CDK15: variants seen among roughly 807,000 people sequenced by gnomAD.
The protein encoded by CDK15 is cyclin-dependent kinase 15.
A neutral mutation model predicts 60.3 loss-of-function variants in CDK15; 62 were observed. The observed-to-expected ratio is 1.03, with a 90% CI of 0.84 to 1.27. The LOEUF is 1.27. Among genes scored for constraint, CDK15 ranks in the 50% most tolerant of loss-of-function variants. The probability of loss-of-function intolerance (pLI) is 0.00; values close to 1 mark genes in which losing one functional copy is unlikely to be tolerated. For missense variants in CDK15, 541 were observed against 527.8 expected (o/e 1.03, Z -0.25); for synonymous variants, 194 against 195.7 (o/e 0.99, Z 0.07).
rs758333471 is a variant in CDK15, at chr2:201,895,437, CTTCT to C, written c.*2173_*2176del. ...ATGCATATGATTATGCTTGTGCTTC[CTTCT>C]TTAATGGATTTACCTATTCAAAAGC... On this transcript the variant is annotated 3_prime_UTR_variant, in exon 14 of 14. Transcript: ENST00000652192. 7 of 152,076 alleles carry C rather than the reference CTTCT, an allele frequency of 4.6e-5. No individual in the cohort carries two copies. The highest frequency in any genetic ancestry group is 1.3e-4 in the Admixed American group (2 of 15,268). The allele number at this position is 152,076 out of a possible 1,614,324, so 9.4% of individuals were successfully genotyped here.
At chr2:201,880,283 C>A in intron 12 of CDK15, 116 bp downstream of exon 12, 1 of 1,264,230 alleles carries the variant, frequency 7.9e-7, no homozygotes, top group South Asian at 1.5e-5. Context: ...CATTTACCCC[C>A]AGGAGTGAAG....
chr2:201,819,399 T>C (rs1451864726), intron 4 of CDK15, among the ~76,000 whole-genome samples: 2 of 152,000 alleles, frequency 1.3e-5, no homozygotes, highest in Admixed American at 6.5e-5. Flanking sequence ...TGAGCAAAGA[T>C]GGGAGTGTGA....
intron 8 of CDK15, among the ~76,000 whole-genome samples, chr2:201,835,964 A>T (rs570289455): frequency 2.0e-5 from 2 of 99,990 alleles, no homozygotes; most frequent in East Asian, 6.3e-4. Context: ...ATTTGTATAT[A>T]TTTATATATT....
chr2:201,870,998 A>C (rs1698833123), intron 10 of CDK15, among the ~76,000 whole-genome samples: 2 of 152,170 alleles, frequency 1.3e-5, no homozygotes, highest in Non-Finnish European at 2.9e-5. Flanking sequence ...TGGTATCAAT[A>C]CTAAGAATCA....
At position 201,894,809 on chromosome 2, in the gene CDK15, G is replaced by C. The variant is rs1202931246; in HGVS notation, c.*1542G>C. On this transcript the variant is annotated 3_prime_UTR_variant, in exon 14 of 14. Coordinates refer to ENST00000652192, the MANE Select transcript of CDK15 (RefSeq NM_001366386.2). ...AGAATACACAACTCTTGCAGAGGCA[G>C]CTGCTATTTAGTATTGGATCATGAT... is the stretch of plus-strand genomic sequence containing the variant. 6.6e-6 allele frequency: 1 copy of C among 152,094 alleles called. No individual in the cohort carries two copies. The highest frequency in any genetic ancestry group is 2.4e-5 in the African/African-American group (1 of 41,424). The allele number at this position is 152,094 out of a possible 1,614,324, so 9.4% of individuals were successfully genotyped here.
rs1208028416 is a variant in CDK15 at position 201,893,911 on chromosome 2, T to C, written c.*644T>C. On this transcript the variant is annotated 3_prime_UTR_variant, in exon 14 of 14. Transcript: ENST00000652192. The stretch of plus-strand genomic sequence containing the variant: ...ATTTTAGAAGTTTGGATTTGGCTGC[T>C]GATTAGAAATGAATTTCAGGCTATC... 6.6e-6 allele frequency: 1 copy of C among 152,200 alleles called. No homozygotes were observed. The highest frequency in any genetic ancestry group is 6.5e-5 in the Admixed American group (1 of 15,274). The allele number at this position is 152,200 out of a possible 1,614,324, so 9.4% of individuals were successfully genotyped here.
At chr2:201,871,885 C>A (rs1040563628) in intron 10 of CDK15, among the ~76,000 whole-genome samples, 5 of 151,966 alleles carry the variant, frequency 3.3e-5, no homozygotes, top group African/African-American at 1.2e-4. Context: ...TTCGCCTCAC[C>A]TTCTCTGACG....
chr2:201,855,033 C>T (rs180872991), intron 10 of CDK15, 96 bp downstream of exon 10: 194 of 1,064,642 alleles, frequency 1.8e-4, no homozygotes, highest in Middle Eastern at 1.0e-3. Flanking sequence ...GTGAACTCAG[C>T]GGCAAAGATG....
At chr2:201,872,937 T>A (rs1295253700) in intron 11 of CDK15, among the ~76,000 whole-genome samples, 2 of 152,124 alleles carry the variant, frequency 1.3e-5, no homozygotes, top group Admixed American at 6.5e-5. Context: ...TAGCCGAGGC[T>A]CTGTTCTTTT....
At chr2:201,861,196 C>A (rs1698378161) in intron 10 of CDK15, 1 of 1,013,338 alleles carries the variant, frequency 9.9e-7, no homozygotes, top group Non-Finnish European at 1.2e-6. Context: ...CTGTAATCTG[C>A]AAAATGGGAG....
At chr2:201,814,189 A>T (rs1015604447) in intron 4 of CDK15, among the ~76,000 whole-genome samples, 1 of 152,224 alleles carries the variant, frequency 6.6e-6, no homozygotes, top group African/African-American at 2.4e-5. Context: ...GTTTGCTAAC[A>T]GATGGTTCTC....
At chr2:201,853,899 T>G (rs540692289) in intron 9 of CDK15, among the ~76,000 whole-genome samples, 1 of 152,138 alleles carries the variant, frequency 6.6e-6, no homozygotes, top group Admixed American at 6.5e-5. Context: ...CGGTTGCTCA[T>G]GCCTGAAATC....
In CDK15 at chr2:201,882,196, C is replaced by T. The variant is rs1341873528; in HGVS notation, c.1198+2029C>T. Among the ~76,000 whole-genome samples the T allele has an allele frequency of 3.3e-5, 5 of 150,314 alleles. No homozygotes were observed. Among genetic ancestry groups the T allele is most frequent in the African/African-American group, 1.2e-4 (5 of 40,368 alleles). ...GTGTATGTGTGTATATGTGTGTGTG[C>T]GTATGTGTGTGTGTGTGTGTGAGAG... On this transcript the variant is annotated intron_variant, in intron 12 of 13. Transcript: ENST00000652192. This position sits in a 1 kb window ranked among gnomAD's most constrained non-coding sequence, Gnocchi z 4.0.
chr2:201,865,491 G>A (rs1278520183), intron 10 of CDK15, among the ~76,000 whole-genome samples: 1 of 152,070 alleles, frequency 6.6e-6, no homozygotes, highest in East Asian at 1.9e-4. Flanking sequence ...AAAGTGATAC[G>A]CTACAAATAT....
intron 11 of CDK15, among the ~76,000 whole-genome samples, chr2:201,877,412 C>CT (rs1432796890): frequency 6.6e-6 from 1 of 152,132 alleles, no homozygotes; most frequent in African/African-American, 2.4e-5. Flanking sequence ...TCCCCACCAC[C>CT]TACCCGCCCT....
intron 12 of CDK15, among the ~76,000 whole-genome samples, chr2:201,887,880 A>C (rs971589517): frequency 3.9e-5 from 6 of 152,144 alleles, no homozygotes; most frequent in African/African-American, 7.2e-5. Context: ...CATGAGCTAA[A>C]ATTACCGCAT....
At chr2:201,824,917 T>C (rs1444569256) in intron 6 of CDK15, 1 of 386,136 alleles carries the variant, frequency 2.6e-6, no homozygotes. Context: ...GTAAATTTTC[T>C]AGATACAGCT....
chr2:201,843,249 C>A (rs1329104882), intron 8 of CDK15, among the ~76,000 whole-genome samples: 2 of 151,936 alleles, frequency 1.3e-5, no homozygotes, highest in African/African-American at 4.8e-5. Context: ...TGCAGTGGTG[C>A]GATGTCGGCT....
intron 10 of CDK15, 106 bp from the exon 11 acceptor site, chr2:201,872,172 T>A: frequency 8.3e-7 from 1 of 1,197,920 alleles, no homozygotes; most frequent in Non-Finnish European, 1.2e-6. Context: ...ACTTGAATCA[T>A]TTTTTTAAAC....
Sources: allele counts gnomAD v4.1 joint callset (sites outside exome capture counted in the v4.1 genomes callset), GRCh38; gene constraint gnomAD v4.1.1; non-coding constraint Gnocchi (gnomAD v3.1); transcripts MANE v1.5; gene names NCBI Gene and HGNC (gene_info 2026-07-23, HGNC 2026-07-21).